The following OTOF variants were observed in gnomAD, a reference collection of about 807,000 sequenced individuals.
The protein encoded by OTOF is fer-1-like family member 2.
In OTOF, 218 loss-of-function variants were observed where a neutral mutation model predicts 236.8. The ratio of observed to expected loss-of-function variants is 0.92; its 90% CI spans 0.82 to 1.03. OTOF has a LOEUF of 1.03. OTOF is among the 50% of genes least tolerant of loss of function. OTOF has a pLI of 0.00. For synonymous variants in OTOF, 1,041 were observed against 1,072.5 expected, an observed-to-expected ratio of 0.97 and a Z score of 0.57; for missense variants, 2,590 against 2,694.4, an observed-to-expected ratio of 0.96 and a Z score of 0.86.
chr2:26,521,790 T>G (rs1050441439), intron 3 of OTOF, among the ~76,000 whole-genome samples: 1 of 152,184 alleles, frequency 6.6e-6, no homozygotes, highest in Non-Finnish European at 1.5e-5. Context: ...GTGGGCTCAC[T>G]CAGCAGGACC....
intron 5 of OTOF, among the ~76,000 whole-genome samples, chr2:26,512,412 A>G (rs928081331): frequency 6.6e-6 from 1 of 152,226 alleles, no homozygotes; most frequent in Non-Finnish European, 1.5e-5. Flanking sequence ...ACACATGGGC[A>G]CTTGTGTACA....
chr2:26,509,254 CTTGAG>C (rs762788297), intron 5 of OTOF, among the ~76,000 whole-genome samples: 4 of 152,178 alleles, frequency 2.6e-5, no homozygotes, highest in Admixed American at 1.3e-4. Context: ...AACCTGAACC[CTTGAG>C]GACTCCCTAA....
At position 26,474,532 on chromosome 2, in the gene OTOF, G is replaced by A. The variant is rs370609551; in HGVS notation, c.3269C>T (p.Ala1090Val). 12 of 1,611,080 alleles carry A rather than the reference G, an allele frequency of 7.4e-6. No homozygotes were observed. The African/African-American group carries it at 9.3e-5, about 13-fold the overall frequency. ...RGNATAGDLL[A>V]AFELLQIGPA... ...TCCCACCTGCAGCAGCTCGAAGGCC[G>A]CCAGCAGGTCTCCAGCTGTGGCGTT... Residue 1090 changes from alanine to valine, a missense_variant, in exon 26 of 47, where the codon GCG becomes GTG. Ala to Val is a moderately conservative substitution (Grantham distance 64, BLOSUM62 0). Coordinates refer to ENST00000272371, the MANE Select transcript of OTOF (RefSeq NM_194248.3).
chr2:26,556,297 T>C (rs1055864189), intron 1 of OTOF, among the ~76,000 whole-genome samples: 2 of 152,182 alleles, frequency 1.3e-5, no homozygotes, highest in Non-Finnish European at 2.9e-5. Flanking sequence ...CTAAGGAACA[T>C]TGTAGAGCGG....
chr2:26,468,092 A>C (rs1048150058), intron 33 of OTOF, among the ~76,000 whole-genome samples: 12 of 152,244 alleles, frequency 7.9e-5, no homozygotes. Flanking sequence ...TAGAACATCC[A>C]TCAATTTTCT....
intron 5 of OTOF, among the ~76,000 whole-genome samples, chr2:26,508,820 G>T (rs1666314655): frequency 6.6e-6 from 1 of 152,170 alleles, no homozygotes; most frequent in South Asian, 2.1e-4. Flanking sequence ...TGTCTCCACA[G>T]TTTTCTCTCC....
In OTOF at chr2:26,504,425, A is replaced by G. The variant is rs367909485; in HGVS notation, c.510-580T>C. Among the ~76,000 whole-genome samples, 201 of 151,914 alleles carry G rather than the reference A, an allele frequency of 1.3e-3. 1 individual carries two copies. Among genetic ancestry groups the G allele is most frequent in the African/African-American group, 4.5e-3 (186 of 41,428 alleles). On this transcript the variant is annotated intron_variant, in intron 5 of 46. Coordinates refer to ENST00000272371, the MANE Select transcript of OTOF (RefSeq NM_194248.3). ...TCAAAGCCTGACTTGTCTTTCTCCA[A>G]CCTCTCCGTGTTCTGGGATGCTCCT...
chr2:26,514,891 C>T (rs1156660396), intron 5 of OTOF, among the ~76,000 whole-genome samples: 1 of 152,226 alleles, frequency 6.6e-6, no homozygotes, highest in Non-Finnish European at 1.5e-5. Context: ...CTGCCAACCT[C>T]TTTTCTGAAT....
intron 15 of OTOF, 61 bp downstream of exon 15, chr2:26,480,725 C>T: frequency 1.4e-6 from 2 of 1,404,304 alleles, no homozygotes; most frequent in Non-Finnish European, 2.0e-6. Context: ...ACCCAGGTGA[C>T]TCAGGGAGAA....
intron 3 of OTOF, among the ~76,000 whole-genome samples, chr2:26,522,668 A>G (rs12473490): frequency 0.26 from 40,081 of 152,116 alleles, 6,586 homozygotes; most frequent in East Asian, 0.55. Flanking sequence ...ATTTCCCTAG[A>G]AATGGAGTTG....
intron 9 of OTOF, among the ~76,000 whole-genome samples, chr2:26,494,633 A>G (rs1232799224): frequency 8.1e-6 from 1 of 124,040 alleles, no homozygotes; most frequent in African/African-American, 3.2e-5. Context: ...AACAGTGGGA[A>G]CCAGGCCTCT....
chr2:26,508,040 A>C (rs906648959), intron 5 of OTOF, among the ~76,000 whole-genome samples: 2 of 152,172 alleles, frequency 1.3e-5, no homozygotes, highest in Non-Finnish European at 2.9e-5. Context: ...TCATTAATTC[A>C]GGTCTCTGGA....
intron 1 of OTOF, among the ~76,000 whole-genome samples, chr2:26,555,826 T>C (rs1667572955): frequency 6.6e-6 from 1 of 152,172 alleles, no homozygotes; most frequent in Non-Finnish European, 1.5e-5. Flanking sequence ...TGGGAATGGC[T>C]GCCTCACAAA....
At chr2:26,489,149 C>A in intron 11 of OTOF, 62 bp downstream of exon 11, 1 of 1,200,110 alleles carries the variant, frequency 8.3e-7, no homozygotes. Flanking sequence ...GGGAAGGGCC[C>A]CGTGCACCAC....
rs767573171 is a variant in OTOF at position 26,476,137 on chromosome 2, C to A, written c.2857G>T (p.Val953Phe). 3.7e-6 allele frequency: 6 copies of A among 1,611,398 alleles called. No individual in the cohort carries two copies. In the East Asian group the frequency reaches 1.1e-4, roughly 30 times the overall value. Residue 953 changes from valine (V) to phenylalanine (F), a missense_variant, in exon 23 of 47, where the codon GTC (valine) becomes TTC (phenylalanine). Val to Phe is a conservative substitution (Grantham distance 50, BLOSUM62 -1). Coordinates refer to ENST00000272371, the MANE Select transcript of OTOF (RefSeq NM_194248.3). ...GLHAFPPVSL[V>F]YTKKQAFQLR... Reference sequence around the variant, plus strand: ...AGGGGTCCTCACTCACTGGTGTAGACCAGGCTGACGGGTGGGAAGGCATGC... The same window carrying A: ...AGGGGTCCTCACTCACTGGTGTAGAACAGGCTGACGGGTGGGAAGGCATGC...
chr2:26,545,076 G>A (rs760105273), intron 1 of OTOF, among the ~76,000 whole-genome samples: 3 of 151,028 alleles, frequency 2.0e-5, no homozygotes, highest in South Asian at 2.1e-4. Context: ...GAAAGAAATC[G>A]CCAAATAGTT....
chr2:26,496,084 G>A (rs1025368628), intron 8 of OTOF, among the ~76,000 whole-genome samples: 3 of 152,114 alleles, frequency 2.0e-5, no homozygotes, highest in African/African-American at 7.2e-5. Flanking sequence ...CCTTTATGTG[G>A]CGTCCAGCTC....
chr2:26,474,803 G>A, intron 25 of OTOF, 129 bp from the exon 26 acceptor site: 1 of 1,046,640 alleles, frequency 9.6e-7, no homozygotes, highest in Non-Finnish European at 1.5e-6. Context: ...TACAGATGAG[G>A]AAACCAAGTC....
At chr2:26,483,407 G>A in intron 13 of OTOF, 55 bp downstream of exon 13, 6 of 1,524,780 alleles carry the variant, frequency 3.9e-6, no homozygotes, top group South Asian at 1.1e-5. Flanking sequence ...CCATCAGCCT[G>A]CCCTTGTGAT....
Sources: allele counts gnomAD v4.1 joint callset (sites outside exome capture counted in the v4.1 genomes callset), GRCh38; gene constraint gnomAD v4.1.1; transcripts MANE v1.5; gene names NCBI Gene and HGNC (gene_info 2026-07-23, HGNC 2026-07-21).